MAF: variants seen among roughly 807,000 people sequenced by gnomAD.
MAF encodes the protein MAF bZIP transcription factor, also known as transcription factor Maf.
A neutral mutation model predicts 22.0 loss-of-function variants in MAF; 10 were observed. The observed-to-expected ratio is 0.45, with a 90% CI of 0.28 to 0.77. The LOEUF (loss-of-function observed/expected upper bound fraction) is 0.77. Among genes scored for constraint, MAF ranks in the 30% least tolerant of loss-of-function variants. The probability of loss-of-function intolerance (pLI) is 0.12; values close to 1 mark genes in which losing one functional copy is unlikely to be tolerated. For missense variants in MAF, 544 were observed against 548.4 expected (o/e 0.99, Z 0.08); for synonymous variants, 337 against 255.8 (o/e 1.32, Z -3.03).
the MAF span, among the ~76,000 whole-genome samples, chr16:79,339,145 C>A: frequency 2.0e-5 from 3 of 152,294 alleles, no homozygotes; most frequent in South Asian, 6.2e-4. Flanking sequence ...TCTCGGCTCA[C>A]TGCAAGCTCC....
At chr16:79,240,310 G>A in the MAF span, among the ~76,000 whole-genome samples, 12 of 151,110 alleles carry the variant, frequency 7.9e-5, no homozygotes, top group Non-Finnish European at 1.2e-4. Context: ...AAATGTGCCC[G>A]ATTGCCCTTT....
At chr16:79,320,085 G>C in the MAF span, among the ~76,000 whole-genome samples, 1 of 152,168 alleles carries the variant, frequency 6.6e-6, no homozygotes, top group Admixed American at 6.5e-5. Flanking sequence ...CCAGTGTTGA[G>C]GCTTACAGGA....
At chr16:79,301,562 T>C in the MAF span, among the ~76,000 whole-genome samples, 3 of 152,206 alleles carry the variant, frequency 2.0e-5, no homozygotes, top group Non-Finnish European at 4.4e-5. Flanking sequence ...ACATAGTTAT[T>C]ATGCATATAT....
chr16:79,486,305 A>G, the MAF span, among the ~76,000 whole-genome samples: 75 of 152,134 alleles, frequency 4.9e-4, no homozygotes, highest in African/African-American at 1.6e-3. Flanking sequence ...AAGAAAACCA[A>G]CTTTTTCAAA....
the MAF span, among the ~76,000 whole-genome samples, chr16:79,278,710 C>T: frequency 6.6e-5 from 10 of 152,142 alleles, no homozygotes; most frequent in Admixed American, 2.0e-4. Flanking sequence ...GCCTTGCTCT[C>T]GGTGTGATTT....
At chr16:79,398,739 GCCTGC>G in the MAF span, among the ~76,000 whole-genome samples, 1 of 152,076 alleles carries the variant, frequency 6.6e-6, no homozygotes, top group South Asian at 2.1e-4. Context: ...TCCCACATCA[GCCTGC>G]CCTGCTCAGC....
the MAF span, among the ~76,000 whole-genome samples, chr16:79,259,779 A>G: frequency 6.6e-6 from 1 of 152,190 alleles, no homozygotes; most frequent in Admixed American, 6.5e-5. Context: ...AAAAAAGGAC[A>G]ATAGAGGCTG....
chr16:79,203,903 G>T, the MAF span: 1 of 152,150 alleles, frequency 6.6e-6, no homozygotes, highest in African/African-American at 2.4e-5. Flanking sequence ...AAGAAGTAGA[G>T]TAAAAATGTA....
chr16:79,463,580 G>C, the MAF span, among the ~76,000 whole-genome samples: 2 of 152,140 alleles, frequency 1.3e-5, no homozygotes, highest in East Asian at 3.8e-4. Flanking sequence ...CATTTTGTAA[G>C]GGTCTGAGTG....
chr16:79,527,186 G>C, the MAF span, among the ~76,000 whole-genome samples: 1 of 152,062 alleles, frequency 6.6e-6, no homozygotes, highest in African/African-American at 2.4e-5. Context: ...GTACTAGATT[G>C]GTCTTCGTCC....
the MAF span, among the ~76,000 whole-genome samples, chr16:79,302,289 G>A: frequency 6.6e-6 from 1 of 152,248 alleles, no homozygotes; most frequent in Admixed American, 6.5e-5. Flanking sequence ...TGACTTTAAA[G>A]CAGGCTGTGG....
chr16:79,214,188 A>G, the MAF span, among the ~76,000 whole-genome samples: 2 of 151,964 alleles, frequency 1.3e-5, no homozygotes, highest in Non-Finnish European at 2.9e-5. Context: ...AACACTTAAT[A>G]TTATTGTACA....
chr16:79,458,142 G>GTGTA, the MAF span, among the ~76,000 whole-genome samples: 2 of 150,768 alleles, frequency 1.3e-5, no homozygotes, highest in African/African-American at 4.9e-5. Flanking sequence ...GTGTGTGTGT[G>GTGTA]TGTGTCTTTG....
chr16:79,504,424 T>C, the MAF span, among the ~76,000 whole-genome samples: 2 of 152,232 alleles, frequency 1.3e-5, no homozygotes, highest in African/African-American at 4.8e-5. Flanking sequence ...TTCGACAAGT[T>C]ACTAACTTCT....
At chr16:79,210,386 G>T in the MAF span, among the ~76,000 whole-genome samples, 1 of 152,182 alleles carries the variant, frequency 6.6e-6, no homozygotes, top group African/African-American at 2.4e-5. Context: ...CAGACCATTT[G>T]AGGGAAACTC....
At chr16:79,380,052 G>C in the MAF span, among the ~76,000 whole-genome samples, 5 of 152,126 alleles carry the variant, frequency 3.3e-5, no homozygotes, top group South Asian at 2.1e-4. Flanking sequence ...GCAAACAACA[G>C]GTTTGGCATG....
the MAF span, among the ~76,000 whole-genome samples, chr16:79,456,604 G>C: frequency 6.6e-6 from 1 of 152,144 alleles, no homozygotes; most frequent in East Asian, 1.9e-4. Flanking sequence ...CTACTAAGCT[G>C]GCTCAATTAG....
At chr16:79,385,656 T>C in the MAF span, among the ~76,000 whole-genome samples, 1 of 152,150 alleles carries the variant, frequency 6.6e-6, no homozygotes, top group Non-Finnish European at 1.5e-5. Flanking sequence ...ATCCCAGCAC[T>C]TTGGGAGGCT....
chr16:79,211,840 G>C, the MAF span: 7 of 1,611,472 alleles, frequency 4.3e-6, no homozygotes, highest in Admixed American at 1.2e-4. Flanking sequence ...CCCTGTGTGT[G>C]TCCCCTCACG....
Sources: allele counts gnomAD v4.1 joint callset (sites outside exome capture counted in the v4.1 genomes callset), GRCh38; gene constraint gnomAD v4.1.1; transcripts MANE v1.5; gene names NCBI Gene and HGNC (gene_info 2026-07-23, HGNC 2026-07-21).